Variants in TMEM165 observed in about 807,000 individuals in gnomAD.
TMEM165 encodes the protein transmembrane protein 165, also known as putative divalent cation/proton antiporter TMEM165.
A neutral mutation model predicts 30.0 loss-of-function variants in TMEM165; 19 were observed. The ratio of observed to expected loss-of-function variants is 0.63; its 90% CI spans 0.44 to 0.93. The LOEUF is 0.93. Ranked by LOEUF, TMEM165 falls within the 40% of genes least tolerant of loss-of-function variation. The probability of loss-of-function intolerance (pLI) is 0.00; values close to 1 mark genes in which losing one functional copy is unlikely to be tolerated. For missense variants in TMEM165, 340 were observed against 417.0 expected (o/e 0.82, Z 1.61); for synonymous variants, 168 against 162.9 (o/e 1.03, Z -0.24).
At chr4:55,435,262 C>G (rs1722789644) in intron 3 of TMEM165, 12 of 859,758 alleles carry the variant, frequency 1.4e-5, no homozygotes, top group Non-Finnish European at 2.2e-5. Context: ...CACTAGGCAG[C>G]ATTTTCTCTG....
chr4:55,447,226 G>T (rs760783937), intron 3 of TMEM165, among the ~76,000 whole-genome samples: 14 of 152,098 alleles, frequency 9.2e-5, no homozygotes, highest in Non-Finnish European at 1.3e-4. Flanking sequence ...AACTAGCCGG[G>T]TGTGGTGGCA....
At chr4:55,452,919 T>A in exon 4 of TMEM165, 1 of 653,098 alleles carries the variant, frequency 1.5e-6, no homozygotes, top group South Asian at 2.1e-5. Flanking sequence ...AAATAAGTAG[T>A]AAAGTATAAT....
At chr4:55,427,469 A>G (rs962880495), downstream of TMEM165, among the ~76,000 whole-genome samples, 5 of 151,356 alleles carry the variant, frequency 3.3e-5, no homozygotes, top group Non-Finnish European at 7.4e-5. Flanking sequence ...CAGCCTCCCA[A>G]GTTGCAGGGA....
At chr4:55,420,774 A>G (rs570272827) in intron 4 of TMEM165, among the ~76,000 whole-genome samples, 5 of 152,318 alleles carry the variant, frequency 3.3e-5, no homozygotes, top group African/African-American at 1.2e-4. Context: ...ATGTTCCCAA[A>G]TTGGATTTCA....
At chr4:55,421,807 C>T (rs1004421977) in intron 4 of TMEM165, among the ~76,000 whole-genome samples, 1 of 152,144 alleles carries the variant, frequency 6.6e-6, no homozygotes, top group Admixed American at 6.5e-5. Flanking sequence ...CCCCTCTGCC[C>T]TCCTGTATTC....
At chr4:55,418,264 G>A (rs975910375) in intron 4 of TMEM165, 11 of 308,648 alleles carry the variant, frequency 3.6e-5, no homozygotes, top group Non-Finnish European at 5.3e-5. Context: ...TCTTAGCTTG[G>A]TTTTCTTATC....
At chr4:55,427,783 C>G (rs1041450631), downstream of TMEM165, 1 of 152,178 alleles carries the variant, frequency 6.6e-6, no homozygotes, top group African/African-American at 2.4e-5. Context: ...TCTGAGGCAC[C>G]ACAATCTTGT....
chr4:55,446,101 CTTTT>C (rs766235766), intron 3 of TMEM165, among the ~76,000 whole-genome samples: 16 of 107,344 alleles, frequency 1.5e-4, no homozygotes, highest in Admixed American at 2.0e-4. Context: ...AATTTAACTT[CTTTT>C]TTTTTTTTTT....
At chr4:55,409,763 G>T (rs907928157) in intron 1 of TMEM165, among the ~76,000 whole-genome samples, 1 of 152,136 alleles carries the variant, frequency 6.6e-6, no homozygotes, top group Admixed American at 6.5e-5. Context: ...GAACTCAGAC[G>T]TTGAGAAGAG....
At chr4:55,419,595 C>G (rs1257598704) in intron 4 of TMEM165, among the ~76,000 whole-genome samples, 1 of 152,150 alleles carries the variant, frequency 6.6e-6, no homozygotes, top group South Asian at 2.1e-4. Context: ...ATTGTTCACA[C>G]AGATTTATTA....
At chr4:55,433,362 T>G (rs772458916) in intron 3 of TMEM165, 7 of 152,626 alleles carry the variant, frequency 4.6e-5, no homozygotes, top group African/African-American at 7.2e-5. Flanking sequence ...TTTCTTTGGT[T>G]GTTTTCTTTT....
Position 55,425,317 on chromosome 4 carries a change from T to C in TMEM165, c.899-59T>C, listed in dbSNP as rs1578246315. 3.6e-6 allele frequency: 5 copies of C among 1,386,428 alleles called. No homozygotes were observed. The East Asian group carries it at 1.1e-4, about 32-fold the overall frequency. 85.9% of individuals were successfully genotyped at this position (1,386,428 alleles called of 1,614,324 possible). ...CGCCTCATCGGCTCCCTTTTCATTTTGTACAGTATCAAGGTATAGGAATTT... is the reference window on the plus strand; with the variant it reads ...CGCCTCATCGGCTCCCTTTTCATTTCGTACAGTATCAAGGTATAGGAATTT... On this transcript the variant is annotated intron_variant, in intron 5 of 5. Transcript: ENST00000381334.
intron 5 of TMEM165, 101 bp from the exon 6 acceptor site, chr4:55,425,275 T>C: frequency 1.1e-6 from 1 of 902,568 alleles, no homozygotes; most frequent in Non-Finnish European, 1.7e-6. Context: ...GTTTAATAGA[T>C]TGGAAGAATA....
intron 1 of TMEM165, among the ~76,000 whole-genome samples, chr4:55,408,610 G>C (rs557663014): frequency 6.6e-6 from 1 of 152,240 alleles, no homozygotes; most frequent in East Asian, 1.9e-4. Flanking sequence ...TCATCATGTG[G>C]TGCATGTCTG....
chr4:55,438,197 C>T, intron 3 of TMEM165: 1 of 1,474,246 alleles, frequency 6.8e-7, no homozygotes, highest in South Asian at 1.2e-5. Context: ...TTTTTCACAT[C>T]ACTCACAAAT....
chr4:55,412,393 CAAAAAAAAAA>C (rs371124857), intron 2 of TMEM165, among the ~76,000 whole-genome samples: 4 of 54,366 alleles, frequency 7.4e-5, no homozygotes, highest in Admixed American at 3.2e-4. Flanking sequence ...GACTCCATCT[CAAAAAAAAAA>C]AAAAAAAAAA....
chr4:55,443,811 G>T, intron 3 of TMEM165: 2 of 1,613,966 alleles, frequency 1.2e-6, no homozygotes, highest in Non-Finnish European at 1.7e-6. Context: ...ATTTATAGGT[G>T]CAAGTTGCTG....
At position 55,417,054 on chromosome 4, in the gene TMEM165, C is replaced by G. The variant is rs375256218; in HGVS notation, c.434-18C>G. On this transcript the variant is annotated intron_variant, in intron 2 of 5. Transcript: ENST00000381334. ...GATACACACTCGATTAACAAACATACTGTTGTATTTTTTCCAGTTTTGTTT... is the reference window on the plus strand; with the variant it reads ...GATACACACTCGATTAACAAACATAGTGTTGTATTTTTTCCAGTTTTGTTT... 4 of 1,575,272 alleles carry G rather than the reference C, an allele frequency of 2.5e-6. No homozygotes were observed. The highest frequency in any genetic ancestry group is 3.4e-6 in the Non-Finnish European group (4 of 1,162,538).
At chr4:55,424,370 C>T in intron 4 of TMEM165, 168 bp from the exon 5 acceptor site, 5 of 569,068 alleles carry the variant, frequency 8.8e-6, no homozygotes, top group East Asian at 3.0e-5. Flanking sequence ...GTACATATTC[C>T]TTCAAGCAGC....
Sources: gnomAD v4.1 joint callset for allele counts (sites outside exome capture counted in the v4.1 genomes callset) on GRCh38, gnomAD v4.1.1 for gene constraint, MANE v1.5 for transcripts, NCBI Gene and HGNC (gene_info 2026-07-23, HGNC 2026-07-21) for gene names.